Variants in ZNF385D observed in about 807,000 individuals in gnomAD.
The protein encoded by ZNF385D is zinc finger protein 659.
A neutral mutation model predicts 35.8 loss-of-function variants in ZNF385D; 15 were observed. The observed-to-expected ratio is 0.42, with a 90% CI of 0.28 to 0.64. The LOEUF (loss-of-function observed/expected upper bound fraction) is 0.64. ZNF385D is among the 30% of genes least tolerant of loss of function. ZNF385D has a pLI of 0.23. For missense variants in ZNF385D, 474 were observed against 494.6 expected (o/e 0.96, Z 0.39); for synonymous variants, 212 against 186.8 (o/e 1.13, Z -1.10).
chr3:21,467,143 A>C (rs1052925199), intron 4 of ZNF385D, among the ~76,000 whole-genome samples: 1 of 152,218 alleles, frequency 6.6e-6, no homozygotes, highest in Non-Finnish European at 1.5e-5. Flanking sequence ...TAAAATTAAG[A>C]AGGAAACTTA....
intron 3 of ZNF385D, among the ~76,000 whole-genome samples, chr3:21,547,757 C>T (rs2062427086): frequency 6.6e-6 from 1 of 151,986 alleles, no homozygotes; most frequent in African/African-American, 2.4e-5. Context: ...GCTGGGACTA[C>T]AGGCACCCGC....
chr3:21,817,013 C>T (rs1272379777), intron 3 of ZNF385D, among the ~76,000 whole-genome samples: 2 of 152,054 alleles, frequency 1.3e-5, no homozygotes, highest in South Asian at 4.1e-4. Context: ...AGAACAGAGC[C>T]CTCAGAAATA....
chr3:22,215,146 A>T (rs367724472), intron 2 of ZNF385D, among the ~76,000 whole-genome samples: 36 of 152,104 alleles, frequency 2.4e-4, no homozygotes, highest in African/African-American at 8.2e-4. Flanking sequence ...TATCTAGCTG[A>T]ATTTTCCCCA....
chr3:21,865,675 T>A (rs867797644), intron 3 of ZNF385D, among the ~76,000 whole-genome samples: 1 of 152,110 alleles, frequency 6.6e-6, no homozygotes, highest in South Asian at 2.1e-4. Context: ...ATCTTATAGT[T>A]TGAGGAACTT....
At chr3:22,011,318 G>A (rs993175494) in intron 3 of ZNF385D, among the ~76,000 whole-genome samples, 4 of 152,010 alleles carry the variant, frequency 2.6e-5, no homozygotes, top group African/African-American at 9.7e-5. Flanking sequence ...AGAAAAAAAA[G>A]ATCATGCTTA....
At chr3:22,223,395 A>C (rs1044511608) in intron 2 of ZNF385D, among the ~76,000 whole-genome samples, 2 of 152,176 alleles carry the variant, frequency 1.3e-5, no homozygotes, top group African/African-American at 2.4e-5. Flanking sequence ...GTAGGCTCTG[A>C]AATGAAATAA....
intron 1 of ZNF385D, among the ~76,000 whole-genome samples, chr3:21,744,266 A>G (rs1277360471): frequency 6.6e-6 from 1 of 152,214 alleles, no homozygotes; most frequent in African/African-American, 2.4e-5. Flanking sequence ...AAAAATACAA[A>G]TTGCTATACA....
At chr3:22,268,982 T>A (rs923474818) in intron 2 of ZNF385D, among the ~76,000 whole-genome samples, 1 of 151,812 alleles carries the variant, frequency 6.6e-6, no homozygotes, top group Non-Finnish European at 1.5e-5. Flanking sequence ...TAAATAAATA[T>A]AGCTATTATC....
chr3:21,993,815 T>C (rs1156359708), intron 3 of ZNF385D, among the ~76,000 whole-genome samples: 4 of 152,182 alleles, frequency 2.6e-5, no homozygotes, highest in African/African-American at 9.7e-5. Context: ...TCCTTACTCA[T>C]ACATAATGTT....
intron 3 of ZNF385D, among the ~76,000 whole-genome samples, chr3:21,922,809 G>A (rs1015913123): frequency 6.6e-6 from 1 of 152,062 alleles, no homozygotes; most frequent in Non-Finnish European, 1.5e-5. Flanking sequence ...AAACAAAAGG[G>A]CTTCCACACA....
At chr3:22,268,025 AAAGT>A (rs1334914914) in intron 2 of ZNF385D, among the ~76,000 whole-genome samples, 1 of 151,988 alleles carries the variant, frequency 6.6e-6, no homozygotes, top group African/African-American at 2.4e-5. Context: ...TTCCTTTTGC[AAAGT>A]AAGTATGCAC....
chr3:21,815,316 G>A (rs2073097816), intron 3 of ZNF385D, among the ~76,000 whole-genome samples: 1 of 152,004 alleles, frequency 6.6e-6, no homozygotes, highest in Non-Finnish European at 1.5e-5. Flanking sequence ...CTAGCAGAAG[G>A]CAAGAAATAA....
At chr3:21,545,591 T>G (rs1362683831) in intron 3 of ZNF385D, among the ~76,000 whole-genome samples, 1 of 152,250 alleles carries the variant, frequency 6.6e-6, no homozygotes, top group Non-Finnish European at 1.5e-5. Flanking sequence ...GCAATATAGT[T>G]GTTTGGATGA....
intron 1 of ZNF385D, among the ~76,000 whole-genome samples, chr3:21,694,862 A>G (rs1375797522): frequency 6.6e-6 from 1 of 152,178 alleles, no homozygotes; most frequent in Non-Finnish European, 1.5e-5. Context: ...AAGCAAAAAG[A>G]AGGAGAATTT....
chr3:22,220,436 A>T (rs1698183534), intron 2 of ZNF385D, among the ~76,000 whole-genome samples: 1 of 152,172 alleles, frequency 6.6e-6, no homozygotes, highest in African/African-American at 2.4e-5. Flanking sequence ...ATTACAAAGT[A>T]ACCATCCAAA....
chr3:21,864,727 A>G (rs990953896), intron 3 of ZNF385D, among the ~76,000 whole-genome samples: 1 of 152,090 alleles, frequency 6.6e-6, no homozygotes, highest in African/African-American at 2.4e-5. Context: ...AAAGCTCTCC[A>G]TTCCAATATT....
At chr3:22,367,056 A>G (rs1224613803) in intron 2 of ZNF385D, among the ~76,000 whole-genome samples, 5 of 152,358 alleles carry the variant, frequency 3.3e-5, no homozygotes, top group Admixed American at 2.6e-4. Context: ...GAAAGAATAT[A>G]TTCTTATTGT....
At chr3:21,882,813 G>C (rs1698347674) in intron 3 of ZNF385D, among the ~76,000 whole-genome samples, 1 of 151,950 alleles carries the variant, frequency 6.6e-6, no homozygotes, top group African/African-American at 2.4e-5. Flanking sequence ...ATTATGTAGA[G>C]TTTTTTTATG....
In ZNF385D at chr3:22,161,947, T is replaced by C. The variant is rs148920942; in HGVS notation, c.325+6870A>G. 1.6e-3 allele frequency among the ~76,000 whole-genome samples: 250 copies of C among 152,306 alleles called. 2 individuals are homozygous for C. The highest frequency in any genetic ancestry group is 0.014 in the South Asian group (66 of 4,830). Reference sequence around the variant, plus strand: ...CAGTTCTGAAGACAAACAGCTTTACTGGCAAGTCTGTTAGGTTCTTTGATC... The same window carrying C: ...CAGTTCTGAAGACAAACAGCTTTACCGGCAAGTCTGTTAGGTTCTTTGATC... On this transcript the variant is annotated intron_variant, in intron 3 of 5. Coordinates refer to the ZNF385D transcript ENST00000494108.
Sources: gnomAD v4.1 joint callset for allele counts (sites outside exome capture counted in the v4.1 genomes callset) on GRCh38, gnomAD v4.1.1 for gene constraint, MANE v1.5 for transcripts, NCBI Gene and HGNC (gene_info 2026-07-23, HGNC 2026-07-21) for gene names.